GRK4: variants seen among roughly 807,000 people sequenced by gnomAD.
GRK4 encodes the protein G protein-coupled receptor kinase 2-like.
GRK4 carries 73 observed loss-of-function variants against 77.9 expected under a neutral mutation model. That is an observed-to-expected ratio of 0.94 (90% CI 0.78 to 1.14). The LOEUF (loss-of-function observed/expected upper bound fraction) is 1.14, where lower values mean the gene tolerates loss of function less well. GRK4 is among the 50% of genes most tolerant of loss of function. GRK4 has a pLI of 0.00. For synonymous variants in GRK4, 257 were observed against 254.4 expected, an observed-to-expected ratio of 1.01 and a Z score of -0.10; for missense variants, 729 against 700.2, an observed-to-expected ratio of 1.04 and a Z score of -0.46.
chr4:2,968,337 A>G (rs1461852992), intron 1 of GRK4, among the ~76,000 whole-genome samples: 1 of 152,160 alleles, frequency 6.6e-6, no homozygotes, highest in Non-Finnish European at 1.5e-5. Context: ...CTGCGGTGTT[A>G]TTGAGCAGTT....
intron 1 of GRK4, chr4:2,969,121 G>A (rs1718666107): frequency 6.6e-6 from 1 of 152,456 alleles, no homozygotes; most frequent in Admixed American, 6.5e-5. Context: ...GGGTAGCTAG[G>A]AGAACGGAGA....
chr4:3,004,108 TG>T (rs1730608694), intron 4 of GRK4, 122 bp from the exon 5 acceptor site: 1 of 712,840 alleles, frequency 1.4e-6, no homozygotes, highest in Non-Finnish European at 2.4e-6. Context: ...AGGGTCCAGG[TG>T]GCACTTTGAC....
chr4:3,016,650 A>C (rs1192817278), intron 8 of GRK4, among the ~76,000 whole-genome samples: 2 of 148,928 alleles, frequency 1.3e-5, no homozygotes, highest in Non-Finnish European at 3.0e-5. Flanking sequence ...GCAGTGAGCC[A>C]TTATTGCCCA....
At chr4:2,966,150 A>G (rs1717577096) in intron 1 of GRK4, 1 of 152,946 alleles carries the variant, frequency 6.5e-6, no homozygotes, top group Non-Finnish European at 1.5e-5. Context: ...ACGGTGGCTC[A>G]CAGCTGTAAT....
intron 10 of GRK4, among the ~76,000 whole-genome samples, chr4:3,024,797 G>T (rs1736991066): frequency 1.3e-5 from 2 of 152,192 alleles, no homozygotes. Context: ...GGCAGAGGTT[G>T]CAGTGAGCCG....
At chr4:3,039,095 A>G (rs1741676462) in intron 15 of GRK4, among the ~76,000 whole-genome samples, 4 of 152,192 alleles carry the variant, frequency 2.6e-5, no homozygotes, top group Non-Finnish European at 5.9e-5. Context: ...ACATGCCTGT[A>G]GTCCCAGCTA....
chr4:3,027,976 A>C lies in GRK4; in HGVS notation c.1035A>C (p.Gly345=). The change falls in exon 11 of 16, where the codon GGA becomes GGC. Residue 345 remains glycine, a synonymous_variant. Transcript: ENST00000398052. ...TEIPEGQRVR[G]RVGTVGYMAP... is the part of the protein sequence containing the mutation. Reference sequence around the variant, plus strand: ...TCCCAGAAGGACAGAGGGTTCGAGGAAGAGTTGGAACAGTCGGCTACATGG... The same window carrying C: ...TCCCAGAAGGACAGAGGGTTCGAGGCAGAGTTGGAACAGTCGGCTACATGG... 1 of 1,614,022 alleles carries C rather than the reference A, an allele frequency of 6.2e-7. No homozygotes were observed. Among genetic ancestry groups the C allele is most frequent in the East Asian group, 2.2e-5 (1 of 44,886 alleles).
chr4:2,966,624 A>C (rs1717786666), intron 1 of GRK4: 1 of 152,168 alleles, frequency 6.6e-6, no homozygotes. Flanking sequence ...GTTATAATTT[A>C]GGGCTTTTTC....
intron 1 of GRK4, among the ~76,000 whole-genome samples, chr4:2,984,171 G>A (rs368836093): frequency 8.5e-5 from 13 of 152,258 alleles, no homozygotes; most frequent in South Asian, 4.2e-4. Flanking sequence ...GTGCTTTGAA[G>A]GTTTTTGGTA....
intron 3 of GRK4, among the ~76,000 whole-genome samples, chr4:2,989,562 A>G (rs902411109): frequency 2.0e-5 from 3 of 152,054 alleles, no homozygotes; most frequent in South Asian, 2.1e-4. Flanking sequence ...TGGCCCCCCA[A>G]AGTGCTGGGA....
chr4:3,021,242 G>A (rs577454557), intron 9 of GRK4, among the ~76,000 whole-genome samples: 3 of 152,180 alleles, frequency 2.0e-5, no homozygotes, highest in Non-Finnish European at 4.4e-5. Flanking sequence ...TGCACAAGGT[G>A]TTCCTGTGTG....
intron 1 of GRK4, among the ~76,000 whole-genome samples, chr4:2,967,851 C>T (rs542917859): frequency 4.6e-5 from 7 of 151,622 alleles, no homozygotes; most frequent in South Asian, 2.1e-4. Flanking sequence ...ATGGCGCAAT[C>T]GTGATCTCGG....
intron 15 of GRK4, 82 bp from the exon 16 acceptor site, chr4:3,040,490 G>A: frequency 2.6e-6 from 3 of 1,136,756 alleles, no homozygotes; most frequent in Non-Finnish European, 3.7e-6. Flanking sequence ...CCACCCAAAA[G>A]TTTGTAAATG....
intron 10 of GRK4, among the ~76,000 whole-genome samples, chr4:3,024,592 G>A (rs994129664): frequency 6.6e-6 from 1 of 152,186 alleles, no homozygotes; most frequent in Non-Finnish European, 1.5e-5. Flanking sequence ...CAGGTGTGGG[G>A]CTTGTACCTA....
chr4:3,035,330 T>C, intron 12 of GRK4, 56 bp from the exon 13 acceptor site: 1 of 1,589,462 alleles, frequency 6.3e-7, no homozygotes, highest in Non-Finnish European at 8.6e-7. Context: ...CAGGGGAGTT[T>C]TGAGTTTTCA....
In GRK4 at chr4:3,022,471, A is replaced by G; in HGVS notation, c.970+20A>G. The stretch of plus-strand genomic sequence containing the variant: ...ATCGTGGTAAGTGGGCAAGCCTTTC[A>G]CATCTAATGGGTAGACTTTGTTAGA... On this transcript the variant is annotated intron_variant, in intron 10 of 15. Coordinates refer to ENST00000398052, the MANE Select transcript of GRK4 (RefSeq NM_182982.3). The G allele has an allele frequency of 6.2e-7, 1 of 1,611,300 alleles. No individual in the cohort carries two copies.
chr4:2,976,588 G>A (rs144392170), intron 1 of GRK4, among the ~76,000 whole-genome samples: 9 of 145,904 alleles, frequency 6.2e-5, no homozygotes, highest in South Asian at 2.2e-4. Flanking sequence ...TGCACCCACC[G>A]TTCTTTCCTA....
At chr4:3,018,408 C>T (rs1279750717) in intron 8 of GRK4, among the ~76,000 whole-genome samples, 1 of 152,114 alleles carries the variant, frequency 6.6e-6, no homozygotes, top group Non-Finnish European at 1.5e-5. Flanking sequence ...GTGGTGTGCA[C>T]CTGTAGTCCC....
At chr4:3,013,240 C>T (rs562698560) in intron 7 of GRK4, among the ~76,000 whole-genome samples, 12 of 151,902 alleles carry the variant, frequency 7.9e-5, no homozygotes, top group Admixed American at 2.0e-4. Context: ...TTCGTAGAGA[C>T]GGGGTGTCGC....
Sources: allele counts gnomAD v4.1 joint callset (sites outside exome capture counted in the v4.1 genomes callset), GRCh38; gene constraint gnomAD v4.1.1; transcripts MANE v1.5; gene names NCBI Gene and HGNC (gene_info 2026-07-23, HGNC 2026-07-21).